PTPRH: variants seen among roughly 807,000 people sequenced by gnomAD.
The protein encoded by PTPRH is receptor-type tyrosine-protein phosphatase H.
Under a neutral mutation model 130.2 loss-of-function variants are expected in PTPRH, and 113 were observed. The ratio of observed to expected loss-of-function variants is 0.87; its 90% CI spans 0.75 to 1.01. The LOEUF is 1.01. Ranked by LOEUF, PTPRH falls within the 50% of genes least tolerant of loss-of-function variation. PTPRH has a pLI of 0.00. For synonymous variants in PTPRH, 556 were observed against 577.9 expected (o/e 0.96, Z 0.54); for missense variants, 1,430 against 1,425.0 (o/e 1.00, Z -0.06).
At chr19:55,189,865 G>A (rs979310696) in intron 12 of PTPRH, 12 of 398,940 alleles carry the variant, frequency 3.0e-5, no homozygotes, top group Non-Finnish European at 4.6e-5. Context: ...ATTGTGGTGC[G>A]TGCCTGTGGT....
At chr19:55,186,580 A>T in intron 14 of PTPRH, 40 bp from the exon 15 acceptor site, 1 of 1,603,394 alleles carries the variant, frequency 6.2e-7, no homozygotes, top group Non-Finnish European at 8.5e-7. Context: ...AGAGAGACCC[A>T]GAGAGGCACA....
At chr19:55,198,448 G>A (rs2086753166) in intron 8 of PTPRH, among the ~76,000 whole-genome samples, 195 bp downstream of exon 8, 1 of 152,110 alleles carries the variant, frequency 6.6e-6, no homozygotes. Context: ...GAAAAAACAG[G>A]TCCCACAGCT....
chr19:55,181,755 T>C lies in PTPRH; in HGVS notation c.3347A>G (p.Ter1116=), dbSNP rs2288420. 0.055 allele frequency: 88,017 copies of C among 1,614,024 alleles called. 7,672 individuals are homozygous for C. Among genetic ancestry groups the C allele is most frequent in the Admixed American group, 0.35 (20,757 of 60,016 alleles). The part of the protein sequence containing the change: ...AAIQAHKLEV[*] ...CTGCCGACCCAGCCCCCTCGTCACT[T>C]AGACCTCCAACTTGTGGGCCTGGAT... The change falls in exon 20 of 20, where the codon TAA becomes TGA. Residue 1116 remains the stop codon, a stop_retained_variant. Transcript: ENST00000376350.
In PTPRH at chr19:55,182,001, G is replaced by A. The variant is rs767756993; in HGVS notation, c.3198+15C>T. The A allele has an allele frequency of 1.9e-6, 3 of 1,614,064 alleles. No individual in the cohort carries two copies. Among genetic ancestry groups the A allele is most frequent in the East Asian group, 4.5e-5 (2 of 44,872 alleles). On this transcript the variant is annotated intron_variant, in intron 19 of 19. Transcript: ENST00000376350. ...CCACTGCCTCCCGTCCTGTGTTGCT[G>A]AGGGACTGCCTCACCTCAGTCTGCA...
intron 18 of PTPRH, among the ~76,000 whole-genome samples, chr19:55,185,299 T>C (rs531309923): frequency 6.6e-6 from 1 of 152,200 alleles, no homozygotes; most frequent in South Asian, 2.1e-4. Flanking sequence ...TGGCCTGCCT[T>C]TTCATCTTTC....
chr19:55,203,326 C>CAAA (rs531285040), intron 5 of PTPRH, among the ~76,000 whole-genome samples: 7,649 of 74,812 alleles, frequency 0.1, 414 homozygotes, highest in Non-Finnish European at 0.13. Context: ...GACTCTGTCT[C>CAAA]AAAAAAAAAA....
chr19:55,186,643 A>T (rs570342111), intron 14 of PTPRH, 103 bp from the exon 15 acceptor site: 329 of 442,944 alleles, frequency 7.4e-4, no homozygotes, highest in Admixed American at 3.7e-3. Flanking sequence ...CAAGACCAAG[A>T]CCCATGGACA....
chr19:55,197,083 GT>G (rs758136380), intron 9 of PTPRH, 33 bp downstream of exon 9: 1 of 1,608,378 alleles, frequency 6.2e-7, no homozygotes, highest in Non-Finnish European at 8.5e-7. Flanking sequence ...GCTAAGCCCA[GT>G]TCACCACTTG....
Position 55,181,811 on chromosome 19 carries a change from G to C in PTPRH, c.3291C>G (p.Val1097=), listed in dbSNP as rs368048494. The change falls in exon 20 of 20, where the codon GTC becomes GTG. Residue 1097 remains valine (V), a synonymous_variant. Transcript: ENST00000376350. Reference sequence around the variant, plus strand: ...CCACGTTCTCGTAGATGAGGTTTTCGACATCCTCATACGGGACTTCCTTCT... The same window carrying C: ...CCACGTTCTCGTAGATGAGGTTTTCCACATCCTCATACGGGACTTCCTTCT... ...PAEKEVPYED[V]ENLIYENVAA... 1.9e-6 allele frequency: 3 copies of C among 1,614,020 alleles called. No homozygotes were observed. Among genetic ancestry groups the C allele is most frequent in the African/African-American group, 2.7e-5 (2 of 74,936 alleles).
chr19:55,205,423 G>T lies in PTPRH; in HGVS notation c.522C>A (p.Thr174=). Residue 174 remains threonine, a synonymous_variant, in exon 4 of 20, where the codon ACC becomes ACA. Coordinates refer to ENST00000376350, the MANE Select transcript of PTPRH (RefSeq NM_002842.5). ...AACACCCGGGTTCAAGTCCATCCACGGTGATGTTAGTGTGTGCTGTGCTTC... is the reference window on the plus strand; with the variant it reads ...AACACCCGGGTTCAAGTCCATCCACTGTGATGTTAGTGTGTGCTGTGCTTC... ...GTRSTAHTNI[T]VDGLEPGCLY... 6.2e-7 allele frequency: 1 copy of T among 1,614,152 alleles called. No individual in the cohort carries two copies. Among genetic ancestry groups the T allele is most frequent in the Non-Finnish European group, 8.5e-7 (1 of 1,180,030 alleles).
intron 18 of PTPRH, 67 bp from the exon 19 acceptor site, chr19:55,182,218 T>C: frequency 6.6e-7 from 1 of 1,525,548 alleles, no homozygotes; most frequent in African/African-American, 1.4e-5. Context: ...CATGGCTGAT[T>C]GGAGGGATCT....
chr19:55,185,868 G>A lies in PTPRH; in HGVS notation c.2895C>T (p.Leu965=), dbSNP rs61735060. The change falls in exon 17 of 20, where the codon CTC becomes CTT. Residue 965 remains leucine (L), a synonymous_variant. Transcript: ENST00000376350. ...CGGGGCTGGACACACGCACCTGGAG[G>A]AGCAGCAGTTCCCGCACCGTCCAGT... is the stretch of plus-strand genomic sequence containing the variant. The part of the protein sequence containing the change: ...MENWTVRELL[L]LQVEEQKTLS... 103,450 of 1,614,062 alleles carry A rather than the reference G, an allele frequency of 0.064. 3,943 individuals carry two copies. The highest frequency in any genetic ancestry group is 0.17 in the Middle Eastern group (1,018 of 6,054).
At chr19:55,207,110 G>A in intron 2 of PTPRH, 56 bp downstream of exon 2, 2 of 1,607,958 alleles carry the variant, frequency 1.2e-6, no homozygotes, top group African/African-American at 1.3e-5. Flanking sequence ...GAGGCTCACG[G>A]CAGTTGCGGT....
Position 55,207,348 on chromosome 19 carries a change from CCTCG to C in PTPRH, c.52-153_52-150del, listed in dbSNP as rs548080502. The stretch of plus-strand genomic sequence containing the variant: ...CCGGTGTTAGGCTGGGCTGTCACGA[CCTCG>C]ACCGTCTTTCCTGGGTCGAGGAGAG... On this transcript the variant is annotated intron_variant, in intron 1 of 19. Coordinates refer to ENST00000376350, the MANE Select transcript of PTPRH (RefSeq NM_002842.5). 2.3e-5 allele frequency: 18 copies of C among 779,608 alleles called. 1 individual carries two copies. The South Asian group carries it at 3.1e-4, about 14-fold the overall frequency. The allele number at this position is 779,608 out of a possible 1,614,324, so 48.3% of individuals were successfully genotyped here.
At position 55,196,699 on chromosome 19, in the gene PTPRH, C is replaced by T. The variant is rs764109925; in HGVS notation, c.2080G>A (p.Glu694Lys). Residue 694 changes from glutamate (E) to lysine (K), a missense_variant, in exon 10 of 20, where the codon GAG (glutamate) becomes AAG (lysine). Glu to Lys is a moderately conservative substitution (Grantham distance 56, BLOSUM62 1). Coordinates refer to ENST00000376350, the MANE Select transcript of PTPRH (RefSeq NM_002842.5). ...CCTCCCACCTCCAACTCAAAGGCCTCGTAGCCTCCCTGGGGGCAGGACCAG... is the reference window on the plus strand; with the variant it reads ...CCTCCCACCTCCAACTCAAAGGCCTTGTAGCCTCCCTGGGGGCAGGACCAG... The part of the protein sequence containing the change: ...LIWSCPQGGY[E>K]AFELEVGGQR... 22 of 1,613,960 alleles carry T rather than the reference C, an allele frequency of 1.4e-5. No individual in the cohort carries two copies. The Admixed American group carries it at 2.3e-4, about 17-fold the overall frequency.
At chr19:55,185,834 G>T in intron 17 of PTPRH, 28 bp downstream of exon 17, 3 of 1,613,984 alleles carry the variant, frequency 1.9e-6, no homozygotes, top group Non-Finnish European at 2.5e-6. Flanking sequence ...GGAAGGCTGA[G>T]GGCCAGGACG....
At chr19:55,197,466 A>G in intron 8 of PTPRH, 50 bp from the exon 9 acceptor site, 2 of 1,525,036 alleles carry the variant, frequency 1.3e-6, no homozygotes, top group South Asian at 1.2e-5. Flanking sequence ...AGACCCTCCT[A>G]CCCCAGCCTG....
In PTPRH at chr19:55,188,060, C is replaced by T. The variant is rs893910262; in HGVS notation, c.2475+18G>A. The T allele has an allele frequency of 1.2e-6, 2 of 1,602,272 alleles. No homozygotes were observed. Among genetic ancestry groups the T allele is most frequent in the African/African-American group, 1.3e-5 (1 of 74,698 alleles). On this transcript the variant is annotated intron_variant, in intron 13 of 19. Coordinates refer to ENST00000376350, the MANE Select transcript of PTPRH (RefSeq NM_002842.5). ...CACCGGAGGGAGACTGAGCTCAGCC[C>T]CTCTGTCCTCTCCCCACCTGGTACT...
Position 55,191,821 on chromosome 19 carries a change from T to A in PTPRH, c.2258-80A>T, listed in dbSNP as rs747205607. Reference sequence around the variant, plus strand: ...GTCTCCAACCCTGCCCAGCCTTTCCTCTTCCCCAGGAGCCTGGTCCAAAGA... The same window carrying A: ...GTCTCCAACCCTGCCCAGCCTTTCCACTTCCCCAGGAGCCTGGTCCAAAGA... On this transcript the variant is annotated intron_variant, in intron 10 of 19. Coordinates refer to ENST00000376350, the MANE Select transcript of PTPRH (RefSeq NM_002842.5). 39 of 1,260,342 alleles carry A rather than the reference T, an allele frequency of 3.1e-5. No homozygotes were observed. The African/African-American group carries it at 4.3e-4, about 14-fold the overall frequency. 78.1% of individuals were successfully genotyped at this position (1,260,342 alleles called of 1,614,324 possible).
Sources: gnomAD v4.1 joint callset for allele counts (sites outside exome capture counted in the v4.1 genomes callset) on GRCh38, gnomAD v4.1.1 for gene constraint, MANE v1.5 for transcripts, NCBI Gene and HGNC (gene_info 2026-07-23, HGNC 2026-07-21) for gene names.